Variants in CHI3L2 observed in about 807,000 individuals in gnomAD.
CHI3L2 encodes the protein chitinase-3-like protein 2.
Under a neutral mutation model 47.3 loss-of-function variants are expected in CHI3L2, and 47 were observed. The ratio of observed to expected loss-of-function variants is 0.99; its 90% CI spans 0.79 to 1.27. The LOEUF (loss-of-function observed/expected upper bound fraction) is 1.27, where lower values mean the gene tolerates loss of function less well. CHI3L2 is among the 50% of genes most tolerant of loss of function. The pLI is 0.00. For synonymous variants in CHI3L2, 198 were observed against 169.9 expected, an observed-to-expected ratio of 1.17 and a Z score of -1.28; for missense variants, 497 against 462.1, an observed-to-expected ratio of 1.08 and a Z score of -0.69.
At chr1:111,237,478 C>CA (rs1659918216) in intron 7 of CHI3L2, among the ~76,000 whole-genome samples, 1 of 152,140 alleles carries the variant, frequency 6.6e-6, no homozygotes, top group South Asian at 2.1e-4. Context: ...TGCATGTTTC[C>CA]AGGCCTTCAT....
chr1:111,236,617 G>C (rs191708720), intron 7 of CHI3L2, among the ~76,000 whole-genome samples: 3 of 151,726 alleles, frequency 2.0e-5, no homozygotes, highest in Non-Finnish European at 4.4e-5. Context: ...CTTCAAGGTC[G>C]TGTGTTGTGA....
chr1:111,230,480 CT>C (rs1659682772), intron 2 of CHI3L2, among the ~76,000 whole-genome samples: 1 of 152,082 alleles, frequency 6.6e-6, no homozygotes, highest in Non-Finnish European at 1.5e-5. Flanking sequence ...TCTTGAACTC[CT>C]GGGCTCAAGA....
intron 4 of CHI3L2, among the ~76,000 whole-genome samples, chr1:111,233,620 G>C (rs983980987): frequency 6.6e-6 from 1 of 151,980 alleles, no homozygotes. Flanking sequence ...GGTGAGGGGC[G>C]CCTCTGCCCG....
intron 4 of CHI3L2, chr1:111,231,526 A>G (rs1659721718): frequency 2.4e-6 from 1 of 424,178 alleles, no homozygotes; most frequent in South Asian, 6.0e-5. Flanking sequence ...AAGGCTTGAG[A>G]GAAAGTGGGC....
rs1156654082 is a variant in CHI3L2 at position 111,242,263 on chromosome 1, A to T, written c.1072A>T (p.Met358Leu). ...FLKNLNLGGA[M>L]IWSIDMDDFT... is the part of the protein sequence containing the mutation. ...AAAGAATTTAAACCTGGGAGGAGCC[A>T]TGATCTGGTCTATTGACATGGATGA... The change falls in exon 10 of 11, where the codon ATG (methionine) becomes TTG (leucine). Residue 358 changes from methionine to leucine, a missense_variant. Transcript: ENST00000369748. The T allele has an allele frequency of 6.2e-7, 1 of 1,614,156 alleles. No individual in the cohort carries two copies. The highest frequency in any genetic ancestry group is 1.1e-5 in the South Asian group (1 of 91,082).
chr1:111,235,846 G>A (rs961364), intron 6 of CHI3L2, 83 bp downstream of exon 6: 430,531 of 1,573,172 alleles, frequency 0.27, 60,724 homozygotes, highest in Middle Eastern at 0.38. Flanking sequence ...TGACGGATGA[G>A]GGGAGGAGGA....
Position 111,241,415 on chromosome 1 carries a change from A to C in CHI3L2, c.1007A>C (p.Tyr336Ser). 2 of 1,603,746 alleles carry C rather than the reference A, an allele frequency of 1.2e-6. No individual in the cohort carries two copies. Among genetic ancestry groups the C allele is most frequent in the Middle Eastern group, 1.7e-4 (1 of 6,036 alleles). The change falls in exon 9 of 11, where the codon TAT (tyrosine) becomes TCT (serine). Residue 336 changes from tyrosine to serine, a missense_variant. Physicochemically the swap from Tyr to Ser is moderately radical, Grantham distance 144 (BLOSUM62 -2). Coordinates refer to ENST00000369748, the MANE Select transcript of CHI3L2 (RefSeq NM_004000.3). ...YAVKGNQWVGYDDVKSMETKV... is the reference protein window; with the variant it reads ...YAVKGNQWVGSDDVKSMETKV... ...GTCAAGGGGAACCAGTGGGTGGGCT[A>C]TGATGATGTGAAGAGTATGGAGACC... is the stretch of plus-strand genomic sequence containing the variant.
rs1422574347 is a variant in CHI3L2, at chr1:111,231,264, C to G, written c.299C>G (p.Ser100Cys). The G allele has an allele frequency of 6.2e-7, 1 of 1,611,428 alleles. No homozygotes were observed. Among genetic ancestry groups the G allele is most frequent in the Non-Finnish European group, 8.5e-7 (1 of 1,177,736 alleles). Residue 100 changes from serine (S) to cysteine (C), a missense_variant, in exon 4 of 11, where the codon TCC becomes TGC. Transcript: ENST00000369748. Reference sequence around the variant, plus strand: ...AATCCCAAACTGAAAATTCTCTTGTCCATTGGAGGGTACCTGTTTGGTTCC... The same window carrying G: ...AATCCCAAACTGAAAATTCTCTTGTGCATTGGAGGGTACCTGTTTGGTTCC... ...TKNPKLKILL[S>C]IGGYLFGSKG...
intron 10 of CHI3L2, 101 bp downstream of exon 10, chr1:111,242,467 C>T: frequency 1.5e-6 from 2 of 1,313,672 alleles, no homozygotes; most frequent in Non-Finnish European, 2.0e-6. Flanking sequence ...CTAATCCTTT[C>T]TCATGCTCCT....
At chr1:111,239,017 C>A in intron 8 of CHI3L2, 85 bp downstream of exon 8, 1 of 1,348,918 alleles carries the variant, frequency 7.4e-7, no homozygotes, top group Non-Finnish European at 1.0e-6. Flanking sequence ...AGTAAAGCAT[C>A]CTGAGTGTTG....
Position 111,227,718 on chromosome 1 carries a change from C to G in CHI3L2, c.-12C>G. The stretch of plus-strand genomic sequence containing the variant: ...TAGAGAATGTGTATCCCAGAAGAAG[C>G]TGGCCAAGGATATGGGAGCAACCAC... On this transcript the variant is annotated 5_prime_UTR_variant, in exon 1 of 11. Coordinates refer to ENST00000369748, the MANE Select transcript of CHI3L2 (RefSeq NM_004000.3). 1 of 1,614,030 alleles carries G rather than the reference C, an allele frequency of 6.2e-7. No homozygotes were observed. Among genetic ancestry groups the G allele is most frequent in the Non-Finnish European group, 8.5e-7 (1 of 1,179,878 alleles).
chr1:111,236,954 T>C (rs1272405096), intron 7 of CHI3L2, among the ~76,000 whole-genome samples: 2 of 152,228 alleles, frequency 1.3e-5, no homozygotes, highest in Admixed American at 1.3e-4. Context: ...TTTCTCGCTG[T>C]CTTTTGCTCT....
chr1:111,231,612 A>G (rs1032862748), intron 4 of CHI3L2: 5 of 240,812 alleles, frequency 2.1e-5, no homozygotes, highest in Non-Finnish European at 3.2e-5. Flanking sequence ...ATTAGTTTTA[A>G]TTGGAAAGTG....
intron 8 of CHI3L2, among the ~76,000 whole-genome samples, chr1:111,241,090 G>A (rs1361126557): frequency 6.6e-6 from 1 of 152,194 alleles, no homozygotes; most frequent in Non-Finnish European, 1.5e-5. Context: ...AGTATTTTCT[G>A]ATTTCTAGCT....
chr1:111,232,757 A>G (rs1462220151), intron 4 of CHI3L2, among the ~76,000 whole-genome samples: 1 of 152,234 alleles, frequency 6.6e-6, no homozygotes, highest in East Asian at 1.9e-4. Context: ...TCTAAGGAAC[A>G]AATTAGTAAA....
Position 111,230,844 on chromosome 1 carries a change from A to C in CHI3L2, c.173A>C (p.His58Pro), listed in dbSNP as rs1471988938. The C allele has an allele frequency of 6.2e-6, 10 of 1,613,958 alleles. No homozygotes were observed. Among genetic ancestry groups the C allele is most frequent in the South Asian group, 1.1e-5 (1 of 91,088 alleles). Residue 58 changes from histidine (H) to proline (P), a missense_variant, in exon 3 of 11, where the codon CAT becomes CCT. By Grantham distance (77) the His-to-Pro change is moderately conservative. Transcript: ENST00000369748. Reference protein sequence around the residue: ...PENIDPFLCSHLIYSFASIEN... With the variant: ...PENIDPFLCSPLIYSFASIEN... The stretch of plus-strand genomic sequence containing the variant: ...AATATTGACCCCTTCCTATGCTCTC[A>C]TCTCATCTATTCATTCGCCAGCATC...
chr1:111,232,584 G>A (rs1308482791), intron 4 of CHI3L2, among the ~76,000 whole-genome samples: 1 of 152,166 alleles, frequency 6.6e-6, no homozygotes, highest in Admixed American at 6.5e-5. Flanking sequence ...GTAAAGGCAG[G>A]CAACGCAAGC....
chr1:111,240,404 T>C (rs934386476), intron 8 of CHI3L2, among the ~76,000 whole-genome samples: 2 of 152,200 alleles, frequency 1.3e-5, no homozygotes, highest in African/African-American at 4.8e-5. Flanking sequence ...GGAGAGAGGC[T>C]GACCCATCCT....
At position 111,236,891 on chromosome 1, in the gene CHI3L2, C is replaced by A. The variant is rs183601080; in HGVS notation, c.735+738C>A. On this transcript the variant is annotated intron_variant, in intron 7 of 10. Transcript: ENST00000369748. ...TTTGTGGATGGGGGACAGAAAGTGG[C>A]GAGTGCTGATTGGTCAGGTTGAAGA... Among the ~76,000 whole-genome samples, 11 of 152,156 alleles carry A rather than the reference C, an allele frequency of 7.2e-5. No homozygotes were observed. In the East Asian group the frequency reaches 1.7e-3, roughly 24 times the overall value.
Sources: allele counts gnomAD v4.1 joint callset (sites outside exome capture counted in the v4.1 genomes callset), GRCh38; gene constraint gnomAD v4.1.1; transcripts MANE v1.5; gene names NCBI Gene and HGNC (gene_info 2026-07-23, HGNC 2026-07-21).